Variants in GGT1 observed in about 807,000 individuals in gnomAD.
The protein encoded by GGT1 is gamma-glutamyltransferase 1.
In GGT1, 21 loss-of-function variants were observed where a neutral mutation model predicts 56.0. The ratio of observed to expected loss-of-function variants is 0.38; its 90% confidence interval spans 0.27 to 0.54. The LOEUF is 0.54. Among genes scored for constraint, GGT1 ranks in the 20% least tolerant of loss-of-function variants. The pLI, the probability that GGT1 is intolerant of heterozygous loss-of-function variation, is 0.82. For missense variants in GGT1, 466 were observed against 787.0 expected (o/e 0.59, Z 4.88); for synonymous variants, 238 against 342.6 (o/e 0.69, Z 3.37).
intron 5 of GGT1, among the ~76,000 whole-genome samples, chr22:24,612,244 C>CTTTTTT (rs796939700): frequency 2.9e-4 from 22 of 75,246 alleles, no homozygotes; most frequent in Non-Finnish European, 3.3e-4. Flanking sequence ...CCGGCTTATT[C>CTTTTTT]TTTTTTTTTT....
upstream of GGT1, chr22:24,589,937 C>T (rs759106684): frequency 1.2e-6 from 2 of 1,602,318 alleles, no homozygotes; most frequent in Non-Finnish European, 8.5e-7. Context: ...AGGGTCCTCT[C>T]AAGGCCCAGG....
upstream of GGT1, among the ~76,000 whole-genome samples, chr22:24,594,475 A>G (rs953803624): frequency 6.6e-6 from 1 of 151,160 alleles, no homozygotes; most frequent in African/African-American, 2.4e-5. Flanking sequence ...TGGGTTAAGC[A>G]CTGCCTGCCC....
the GGT1 span, chr22:24,586,343 G>A: frequency 8.7e-6 from 14 of 1,613,898 alleles, no homozygotes; most frequent in South Asian, 4.4e-5. Context: ...GTCCTGTGTC[G>A]ACAGCGGGAT....
In GGT1 at chr22:24,620,786, A is replaced by G; in HGVS notation, c.576-127A>G. The G allele has an allele frequency of 4.6e-5, 68 of 1,464,588 alleles. No homozygotes were observed. Among genetic ancestry groups the G allele is most frequent in the Non-Finnish European group, 6.1e-5 (67 of 1,100,012 alleles). The allele number at this position is 1,464,588 out of a possible 1,614,324, so 90.7% of individuals were successfully genotyped here. On this transcript the variant is annotated intron_variant, in intron 8 of 15. Coordinates refer to ENST00000400382, the MANE Select transcript of GGT1 (RefSeq NM_001288833.2). This position sits in a 1 kb window ranked among gnomAD's most constrained non-coding sequence, Gnocchi z 5.6. ...ACACTAGGAAGACGAGCGCTGAGTG[A>G]CAGGGCCACCCACCTGTGACAGGCG...
At chr22:24,592,956 G>A (rs1380231150), upstream of GGT1, 2 of 1,205,534 alleles carry the variant, frequency 1.7e-6, no homozygotes, top group Non-Finnish European at 2.1e-6. Flanking sequence ...CCCGGCGCTC[G>A]TAGGGCGCGG....
chr22:24,627,856 GGCTCCAAGGTCC>G lies in GGT1; in HGVS notation c.1219_1230del (p.Lys407_Ser410del). On this transcript the variant is annotated inframe_deletion, in exon 13 of 16. Transcript: ENST00000400382. ...TCTGACCTGGCTGGGCGGTAGCTTT[GGCTCCAAGGTCC>G]GCTCCCCGGTCAGCGGGATCCTGTT... 1 of 1,613,028 alleles carries G rather than the reference GGCTCCAAGGTCC, an allele frequency of 6.2e-7. No individual in the cohort carries two copies.
rs1225336621 is a variant in GGT1 at position 24,603,351 on chromosome 22, T to G, written c.-605T>G. On this transcript the variant is annotated 5_prime_UTR_variant, in exon 1 of 16. An upstream start codon of the reference 5' UTR is lost. Coordinates refer to ENST00000400382, the MANE Select transcript of GGT1 (RefSeq NM_001288833.2). ...GGAAGCTCAGGTCAGGGCACTCCCA[T>G]GAGTGTCTGGAGGCCTGAGTCCCAT... 6.6e-6 allele frequency: 1 copy of G among 152,236 alleles called. No individual in the cohort carries two copies. Among genetic ancestry groups the G allele is most frequent in the East Asian group, 1.9e-4 (1 of 5,186 alleles). The allele number at this position is 152,236 out of a possible 1,614,324, so 9.4% of individuals were successfully genotyped here.
At chr22:24,616,640 G>T (rs2047088507) in intron 7 of GGT1, among the ~76,000 whole-genome samples, 1 of 149,354 alleles carries the variant, frequency 6.7e-6, no homozygotes, top group Admixed American at 6.7e-5. Flanking sequence ...TGCCTCCTGA[G>T]TTCACGCCAT....
chr22:24,622,070 C>T (rs1045258817), intron 9 of GGT1, among the ~76,000 whole-genome samples: 2 of 151,478 alleles, frequency 1.3e-5, no homozygotes, highest in Non-Finnish European at 2.9e-5. Context: ...AGAAAAGGCC[C>T]TCTGAGGCCA....
intron 7 of GGT1, among the ~76,000 whole-genome samples, chr22:24,619,557 A>G (rs1289914166): frequency 2.0e-5 from 3 of 149,136 alleles, no homozygotes; most frequent in Non-Finnish European, 3.0e-5. Flanking sequence ...CAACAGAATG[A>G]GACCCTGTCT....
Position 24,628,022 on chromosome 22 carries a change from G to A in GGT1, c.1336+43G>A, listed in dbSNP as rs377322541. Reference sequence around the variant, plus strand: ...GGGGGTGGGGGACTGGGGTGGAGAGGGGCGGGTGTCCTGGGCAGGCAGCTG... The same window carrying A: ...GGGGGTGGGGGACTGGGGTGGAGAGAGGCGGGTGTCCTGGGCAGGCAGCTG... On this transcript the variant is annotated intron_variant, in intron 13 of 15. Transcript: ENST00000400382. This position sits in a 1 kb window ranked among gnomAD's most constrained non-coding sequence, Gnocchi z 5.7. The A allele has an allele frequency of 6.2e-6, 10 of 1,610,892 alleles. No homozygotes were observed. Among genetic ancestry groups the A allele is most frequent in the African/African-American group, 2.7e-5 (2 of 74,828 alleles).
Position 24,618,106 on chromosome 22 carries a change from A to G in GGT1, c.383-2222A>G, listed in dbSNP as rs528395899. 2.0e-5 allele frequency among the ~76,000 whole-genome samples: 3 copies of G among 152,234 alleles called. No homozygotes were observed. In the South Asian group the frequency reaches 6.2e-4, roughly 32 times the overall value. ...TTGATACATGATATTTTCTATATTTATGGGTACATGTGAGTGCTTGTTACA... is the reference window on the plus strand; with the variant it reads ...TTGATACATGATATTTTCTATATTTGTGGGTACATGTGAGTGCTTGTTACA... On this transcript the variant is annotated intron_variant, in intron 7 of 15. Transcript: ENST00000400382.
intron 7 of GGT1, among the ~76,000 whole-genome samples, chr22:24,616,414 CAA>C (rs905685147): frequency 3.8e-5 from 5 of 132,630 alleles, no homozygotes; most frequent in Admixed American, 7.7e-5. Context: ...AGCTCCGTCT[CAA>C]AAAAAAAAAA....
chr22:24,598,668 C>A (rs966125653), upstream of GGT1, among the ~76,000 whole-genome samples: 20 of 152,150 alleles, frequency 1.3e-4, no homozygotes, highest in Admixed American at 3.3e-4. Context: ...ATCCTCCCCC[C>A]TCAGCCTCCC....
chr22:24,605,521 T>C (rs1367704349), intron 1 of GGT1, among the ~76,000 whole-genome samples: 1 of 68,262 alleles, frequency 1.5e-5, no homozygotes, highest in Non-Finnish European at 2.2e-5. Context: ...GTGTATTATA[T>C]ATTATATAAT....
chr22:24,627,470 G>C lies in GGT1; in HGVS notation c.1059G>C (p.Gln353His), dbSNP rs1467148324. ...TGACCTCCGAGTTCTTCGCTGCCCA[G>C]CTCCGGGCCCAGATCTCTGACGACA... Reference protein sequence around the residue: ...RNMTSEFFAAQLRAQISDDTT... With the variant: ...RNMTSEFFAAHLRAQISDDTT... The change falls in exon 12 of 16, where the codon CAG (glutamine) becomes CAC (histidine). Residue 353 changes from glutamine to histidine, a missense_variant. Transcript: ENST00000400382. The C allele has an allele frequency of 1.3e-6, 2 of 1,537,228 alleles. No individual in the cohort carries two copies. Among genetic ancestry groups the C allele is most frequent in the Admixed American group, 3.5e-5 (2 of 57,400 alleles).
chr22:24,608,851 G>T (rs1336663316), intron 2 of GGT1: 1 of 152,162 alleles, frequency 6.6e-6, no homozygotes, highest in African/African-American at 2.4e-5. Flanking sequence ...GGAGATGGGG[G>T]TTTCACCATG....
intron 7 of GGT1, among the ~76,000 whole-genome samples, chr22:24,615,486 G>A (rs2047002643): frequency 6.6e-6 from 1 of 152,190 alleles, no homozygotes; most frequent in South Asian, 2.1e-4. Context: ...TTGGGCTAGG[G>A]GATGCTGTGT....
At chr22:24,618,400 G>A (rs1211505542) in intron 7 of GGT1, among the ~76,000 whole-genome samples, 5 of 152,148 alleles carry the variant, frequency 3.3e-5, no homozygotes, top group Admixed American at 3.3e-4. Context: ...AAACCAGCCT[G>A]GCCAACATGG....
Sources: gnomAD v4.1 joint callset for allele counts (sites outside exome capture counted in the v4.1 genomes callset) on GRCh38, gnomAD v4.1.1 for gene constraint, Gnocchi (gnomAD v3.1) non-coding constraint, MANE v1.5 for transcripts, NCBI Gene and HGNC (gene_info 2026-07-23, HGNC 2026-07-21) for gene names.